Variants in TRIM5 observed in about 807,000 individuals in gnomAD.
TRIM5 encodes tripartite motif-containing protein 5.
In TRIM5, 31 loss-of-function variants were observed where a neutral mutation model predicts 35.6. The observed-to-expected ratio is 0.87, with a 90% CI of 0.65 to 1.18. The LOEUF (loss-of-function observed/expected upper bound fraction) is 1.18, where lower values mean the gene tolerates loss of function less well. TRIM5 is among the 50% of genes most tolerant of loss of function. The probability of loss-of-function intolerance (pLI) is 0.00; values close to 1 mark genes in which losing one functional copy is unlikely to be tolerated. For synonymous variants in TRIM5, 243 were observed against 215.6 expected, an observed-to-expected ratio of 1.13 and a Z score of -1.11; for missense variants, 609 against 591.6, an observed-to-expected ratio of 1.03 and a Z score of -0.31.
At chr11:5,668,812 C>T (rs1322639562) in intron 4 of TRIM5, among the ~76,000 whole-genome samples, 1 of 152,178 alleles carries the variant, frequency 6.6e-6, no homozygotes, top group Non-Finnish European at 1.5e-5. Context: ...ACTTCATTCA[C>T]TTCCTTAAGT....
At chr11:5,602,669 A>G in the TRIM5 span, among the ~76,000 whole-genome samples, 1 of 151,768 alleles carries the variant, frequency 6.6e-6, no homozygotes, top group Non-Finnish European at 1.5e-5. Context: ...AAGGTCACAC[A>G]GTCTCCAGGT....
the TRIM5 span, among the ~76,000 whole-genome samples, chr11:5,623,903 C>CA: frequency 6.6e-6 from 1 of 152,098 alleles, no homozygotes; most frequent in Non-Finnish European, 1.5e-5. Context: ...AGGTGGTTTC[C>CA]AAAGGTGGCA....
At chr11:5,659,438 G>A (rs1850741131), downstream of TRIM5, among the ~76,000 whole-genome samples, 1 of 152,180 alleles carries the variant, frequency 6.6e-6, no homozygotes, top group Non-Finnish European at 1.5e-5. Flanking sequence ...GATGCTAGGT[G>A]TCAAGTTGTT....
chr11:5,665,580 CAT>C, intron 7 of TRIM5, 74 bp downstream of exon 7: 1 of 1,583,792 alleles, frequency 6.3e-7, no homozygotes. Context: ...TAATAGAGAA[CAT>C]AAAATTCTAA....
At chr11:5,668,419 G>A (rs1451847586) in intron 4 of TRIM5, among the ~76,000 whole-genome samples, 1 of 152,054 alleles carries the variant, frequency 6.6e-6, no homozygotes, top group African/African-American at 2.4e-5. Context: ...GAGGGTATAA[G>A]CAAACAAGTG....
intron 6 of TRIM5, 43 bp downstream of exon 6, chr11:5,665,938 C>T (rs1299696203): frequency 6.4e-7 from 1 of 1,569,518 alleles, no homozygotes; most frequent in African/African-American, 1.4e-5. Flanking sequence ...ACCCTAACAC[C>T]ACTTGAATTC....
At chr11:5,604,652 A>G in the TRIM5 span, 1 of 1,606,558 alleles carries the variant, frequency 6.2e-7, no homozygotes, top group Non-Finnish European at 8.5e-7. Context: ...TTTTCTGAAG[A>G]TGTCCTGGGG....
the TRIM5 span, among the ~76,000 whole-genome samples, chr11:5,647,864 G>A: frequency 6.6e-6 from 1 of 152,052 alleles, no homozygotes; most frequent in Non-Finnish European, 1.5e-5. Flanking sequence ...TGGAGGTAAT[G>A]CAATGGTGAT....
the TRIM5 span, chr11:5,608,498 A>G: frequency 6.4e-7 from 1 of 1,552,052 alleles, no homozygotes; most frequent in Admixed American, 1.8e-5. Context: ...GGAAGATTCA[A>G]GAGAGTAGTC....
chr11:5,624,144 C>A, the TRIM5 span, among the ~76,000 whole-genome samples: 1 of 152,138 alleles, frequency 6.6e-6, no homozygotes, highest in Non-Finnish European at 1.5e-5. Context: ...CCCTTTCTGT[C>A]CAGGGCACAA....
the TRIM5 span, among the ~76,000 whole-genome samples, chr11:5,598,506 A>C: frequency 6.6e-6 from 1 of 152,262 alleles, no homozygotes; most frequent in Non-Finnish European, 1.5e-5. Context: ...AAGTAGCCTC[A>C]TTAAAAATAA....
the TRIM5 span, among the ~76,000 whole-genome samples, chr11:5,651,946 T>C: frequency 1.3e-5 from 2 of 152,204 alleles, no homozygotes; most frequent in Admixed American, 1.3e-4. Flanking sequence ...ATGTCTTCTT[T>C]TGAGAAGTGT....
At chr11:5,668,574 C>G (rs1039713285) in intron 4 of TRIM5, among the ~76,000 whole-genome samples, 10 of 151,778 alleles carry the variant, frequency 6.6e-5, no homozygotes, top group Admixed American at 5.3e-4. Flanking sequence ...CTCAACCTCC[C>G]GAGTAGCTGG....
the TRIM5 span, among the ~76,000 whole-genome samples, chr11:5,609,033 C>A: frequency 6.6e-6 from 1 of 151,930 alleles, no homozygotes; most frequent in Non-Finnish European, 1.5e-5. Context: ...TTTTCTTTCT[C>A]CCAGGCCTTG....
At chr11:5,681,667 A>C (rs573823437) in intron 1 of TRIM5, among the ~76,000 whole-genome samples, 50 of 147,778 alleles carry the variant, frequency 3.4e-4, no homozygotes, top group Non-Finnish European at 5.8e-4. Flanking sequence ...GTTTAATCCT[A>C]AACAGGTCCT....
the TRIM5 span, among the ~76,000 whole-genome samples, chr11:5,629,688 G>A: frequency 6.6e-6 from 1 of 152,152 alleles, no homozygotes; most frequent in Non-Finnish European, 1.5e-5. Flanking sequence ...CTTCAGGTGA[G>A]CTCTCCGTGA....
the TRIM5 span, among the ~76,000 whole-genome samples, chr11:5,594,495 C>G: frequency 5.9e-5 from 9 of 152,114 alleles, no homozygotes; most frequent in African/African-American, 2.2e-4. Context: ...TTTTTTTAGA[C>G]AGGGTCTTAC....
the TRIM5 span, among the ~76,000 whole-genome samples, chr11:5,600,873 A>C: frequency 6.6e-6 from 1 of 152,216 alleles, no homozygotes; most frequent in Non-Finnish European, 1.5e-5. Flanking sequence ...GCCCAAACAC[A>C]ACTCCAGGTA....
chr11:5,620,160 CT>C, the TRIM5 span: 3 of 106,930 alleles, frequency 2.8e-5, no homozygotes, highest in East Asian at 3.0e-4. Context: ...TTTTCCTTTT[CT>C]TTCTTCTTTT....
Sources: allele counts gnomAD v4.1 joint callset (sites outside exome capture counted in the v4.1 genomes callset), GRCh38; gene constraint gnomAD v4.1.1; transcripts MANE v1.5; gene names NCBI Gene and HGNC (gene_info 2026-07-23, HGNC 2026-07-21).